The following STK3 variants were observed in gnomAD, a reference collection of about 807,000 sequenced individuals.
The protein encoded by STK3 is serine/threonine-protein kinase 3.
STK3 carries 41 observed loss-of-function variants against 58.0 expected under a neutral mutation model. That is an observed-to-expected ratio of 0.71 (90% CI 0.55 to 0.92). STK3 has a LOEUF of 0.92. Ranked by LOEUF, STK3 falls within the 40% of genes least tolerant of loss-of-function variation. The pLI is 0.00. For synonymous variants in STK3, 170 were observed against 191.0 expected (o/e 0.89, Z 0.91); for missense variants, 479 against 602.7 (o/e 0.79, Z 2.15).
At chr8:98,437,885 C>T (rs1818550085) in intron 1 of STK3, 1 of 152,158 alleles carries the variant, frequency 6.6e-6, no homozygotes, top group Non-Finnish European at 1.5e-5. Flanking sequence ...CCAAGGGTGT[C>T]CCTGGGCTTC....
chr8:98,459,607 G>T (rs1819783064), intron 10 of STK3, among the ~76,000 whole-genome samples: 1 of 152,244 alleles, frequency 6.6e-6, no homozygotes, highest in Admixed American at 6.5e-5. Context: ...TTCATCACAG[G>T]CATGGAGGCC....
chr8:98,633,430 G>A (rs1335663413), intron 6 of STK3: 2 of 497,278 alleles, frequency 4.0e-6, no homozygotes, highest in East Asian at 3.4e-5. Context: ...CTTTAGAGAG[G>A]AGATTGAGAC....
At chr8:98,461,865 G>A (rs1820007361) in intron 10 of STK3, among the ~76,000 whole-genome samples, 1 of 152,156 alleles carries the variant, frequency 6.6e-6, no homozygotes, top group Admixed American at 6.5e-5. Flanking sequence ...TAGTCTGATA[G>A]GTTTTCCTTT....
chr8:98,684,448 G>A (rs576542495), intron 6 of STK3, among the ~76,000 whole-genome samples: 101 of 152,244 alleles, frequency 6.6e-4, no homozygotes, highest in African/African-American at 2.3e-3. Context: ...AGTTCCTTAA[G>A]TAACAATAGT....
chr8:98,441,088 A>T (rs1012892514), intron 1 of STK3, among the ~76,000 whole-genome samples: 1 of 152,230 alleles, frequency 6.6e-6, no homozygotes, highest in Non-Finnish European at 1.5e-5. Context: ...TGTAGTTTCA[A>T]AATGTGTTAA....
chr8:98,779,865 T>C (rs1310407324), intron 1 of STK3, among the ~76,000 whole-genome samples: 1 of 151,856 alleles, frequency 6.6e-6, no homozygotes, highest in East Asian at 1.9e-4. Context: ...AGTAACCTTA[T>C]ATATAAGTCA....
intron 9 of STK3, among the ~76,000 whole-genome samples, chr8:98,544,540 T>C (rs16897073): frequency 0.017 from 2,535 of 152,088 alleles, 81 homozygotes; most frequent in African/African-American, 0.058. Flanking sequence ...CTCTGTGAAA[T>C]GAGAAGCAGG....
intron 6 of STK3, among the ~76,000 whole-genome samples, chr8:98,685,171 G>A (rs1823898315): frequency 6.6e-6 from 1 of 152,058 alleles, no homozygotes; most frequent in Non-Finnish European, 1.5e-5. Flanking sequence ...ATCCTAAAAA[G>A]ATGAAATGTA....
chr8:98,364,136 A>G, the STK3 span, among the ~76,000 whole-genome samples: 29 of 152,304 alleles, frequency 1.9e-4, no homozygotes, highest in African/African-American at 6.7e-4. Flanking sequence ...ATCTCCAGAC[A>G]GCCTGGAGCC....
intron 1 of STK3, among the ~76,000 whole-genome samples, chr8:98,802,887 C>T (rs1833647640): frequency 6.6e-6 from 1 of 152,152 alleles, no homozygotes; most frequent in Non-Finnish European, 1.5e-5. Flanking sequence ...TAAATGTGAG[C>T]ATCTGTGTGT....
intron 8 of STK3, among the ~76,000 whole-genome samples, chr8:98,570,639 A>G (rs2131680913): frequency 6.6e-6 from 1 of 152,276 alleles, no homozygotes; most frequent in East Asian, 1.9e-4. Flanking sequence ...AAAAACCCGA[A>G]AACTAAACAA....
chr8:98,869,042 G>GGAAGGAAGGAAGGAAA (rs1837256373), intron 3 of STK3, among the ~76,000 whole-genome samples: 1 of 131,492 alleles, frequency 7.6e-6, no homozygotes, highest in African/African-American at 2.8e-5. Context: ...AAGGAAGGAA[G>GGAAGGAAGGAAGGAAA]GAAGGAAGGA....
At chr8:98,356,858 T>C in the STK3 span, among the ~76,000 whole-genome samples, 2 of 152,324 alleles carry the variant, frequency 1.3e-5, no homozygotes, top group Non-Finnish European at 2.9e-5. Context: ...GCTGTCTGTT[T>C]TAGATTGTGC....
intron 1 of STK3, among the ~76,000 whole-genome samples, chr8:98,903,487 G>GTTCTTCTTCTTCTTC (rs71572029): frequency 2.1e-5 from 3 of 139,646 alleles, no homozygotes; most frequent in East Asian, 2.1e-4. Context: ...AATTTAGGAA[G>GTTCTTCTTCTTCTTC]TTCTTCTTCT....
chr8:98,371,330 A>G (rs1817608840), downstream of STK3: 1 of 152,260 alleles, frequency 6.6e-6, no homozygotes, highest in African/African-American at 2.4e-5. Flanking sequence ...TTCCCTGTAC[A>G]TAACATAATT....
chr8:98,580,019 T>A (rs1294232145), intron 7 of STK3, among the ~76,000 whole-genome samples: 1 of 151,888 alleles, frequency 6.6e-6, no homozygotes, highest in African/African-American at 2.4e-5. Flanking sequence ...CATGCAAAAA[T>A]GCAACCCTGT....
intron 1 of STK3, among the ~76,000 whole-genome samples, chr8:98,824,903 T>C (rs919787223): frequency 6.6e-6 from 1 of 152,244 alleles, no homozygotes; most frequent in Non-Finnish European, 1.5e-5. Context: ...GGAATACATA[T>C]TATGAACTTC....
chr8:98,420,590 G>A (rs953524786), intron 3 of STK3, among the ~76,000 whole-genome samples: 3 of 152,106 alleles, frequency 2.0e-5, no homozygotes, highest in African/African-American at 7.2e-5. Flanking sequence ...TGGGATTTGG[G>A]GGTTGTTTGT....
chr8:98,832,813 C>A (rs1835588884), intron 3 of STK3, among the ~76,000 whole-genome samples: 1 of 152,120 alleles, frequency 6.6e-6, no homozygotes, highest in Admixed American at 6.5e-5. Context: ...CCTCAGAGGA[C>A]AAATATGGCC....
Sources: gnomAD v4.1 joint callset for allele counts (sites outside exome capture counted in the v4.1 genomes callset) on GRCh38, gnomAD v4.1.1 for gene constraint, MANE v1.5 for transcripts, NCBI Gene and HGNC (gene_info 2026-07-23, HGNC 2026-07-21) for gene names.